CCDC91: variants seen among roughly 807,000 people sequenced by gnomAD.
The protein encoded by CCDC91 is coiled-coil domain-containing protein 91.
In CCDC91, 48 loss-of-function variants were observed where a neutral mutation model predicts 63.2. The observed-to-expected ratio is 0.76, with a 90% CI of 0.60 to 0.97. The LOEUF is 0.97. Among genes scored for constraint, CCDC91 ranks in the 50% least tolerant of loss-of-function variants. The pLI, the probability that CCDC91 is intolerant of heterozygous loss-of-function variation, is 0.00. For synonymous variants in CCDC91, 167 were observed against 165.8 expected, an observed-to-expected ratio of 1.01 and a Z score of -0.06; for missense variants, 500 against 494.6, an observed-to-expected ratio of 1.01 and a Z score of -0.10.
At chr12:28,369,808 A>G (rs539680237) in intron 7 of CCDC91, among the ~76,000 whole-genome samples, 1 of 152,254 alleles carries the variant, frequency 6.6e-6, no homozygotes, top group Admixed American at 6.5e-5. Flanking sequence ...CATTGAAGCT[A>G]CCAAGGCTTG....
chr12:28,202,801 C>G (rs11610011), intron 1 of CCDC91, among the ~76,000 whole-genome samples: 1 of 152,056 alleles, frequency 6.6e-6, no homozygotes, highest in African/African-American at 2.4e-5. Context: ...ATCAAAATCC[C>G]CTATTGACAT....
At chr12:28,344,659 A>G (rs528394084) in intron 6 of CCDC91, among the ~76,000 whole-genome samples, 7 of 152,188 alleles carry the variant, frequency 4.6e-5, no homozygotes, top group African/African-American at 1.4e-4. Flanking sequence ...GCAAGGCACT[A>G]TGCTATCTAC....
At chr12:28,213,033 G>A (rs1332387385) in intron 1 of CCDC91, among the ~76,000 whole-genome samples, 1 of 152,184 alleles carries the variant, frequency 6.6e-6, no homozygotes, top group Non-Finnish European at 1.5e-5. Context: ...GAATGGGGAT[G>A]CATGGAAAGA....
At chr12:28,470,153 A>G (rs1434876794) in intron 11 of CCDC91, among the ~76,000 whole-genome samples, 2 of 152,296 alleles carry the variant, frequency 1.3e-5, no homozygotes, top group East Asian at 1.9e-4. Flanking sequence ...GACAACCCAC[A>G]GAATGAGAGA....
In CCDC91 at chr12:28,313,628, A is replaced by G. The variant is rs529189081; in HGVS notation, c.576+5879A>G. ...AATTCTAACAGTGTTATTTTATGTG[A>G]TATGGTCTAATTACCAGGATAGGTG... On this transcript the variant is annotated intron_variant, in intron 6 of 12. Transcript: ENST00000536442. Among the ~76,000 whole-genome samples, 343 of 152,168 alleles carry G rather than the reference A, an allele frequency of 2.3e-3. 3 individuals are homozygous for G. The South Asian group carries it at 0.024, about 11-fold the overall frequency.
chr12:28,390,122 G>C (rs1945841959), intron 7 of CCDC91, among the ~76,000 whole-genome samples: 1 of 152,082 alleles, frequency 6.6e-6, no homozygotes, highest in African/African-American at 2.4e-5. Flanking sequence ...AGCATCATCA[G>C]AGAATCTTAC....
chr12:28,549,365 C>A lies in CCDC91; in HGVS notation c.*192C>A, dbSNP rs1943195323. On this transcript the variant is annotated 3_prime_UTR_variant, in exon 13 of 13. Transcript: ENST00000536442. The stretch of plus-strand genomic sequence containing the variant: ...TTATTTTCTTTTGGTTTCTTCTTTA[C>A]ATTTACTGTTATTTTATTATTATTA... 4.7e-6 allele frequency: 2 copies of A among 428,732 alleles called. No individual in the cohort carries two copies. Among genetic ancestry groups the A allele is most frequent in the East Asian group, 7.8e-5 (2 of 25,688 alleles). 26.6% of individuals were successfully genotyped at this position (428,732 alleles called of 1,614,324 possible). A position where few individuals can be genotyped will look rare whatever the true frequency, so the allele number is the denominator to read the frequency against.
At chr12:28,289,755 G>A (rs1441637667) in intron 3 of CCDC91, among the ~76,000 whole-genome samples, 7 of 140,262 alleles carry the variant, frequency 5.0e-5, no homozygotes, top group African/African-American at 1.8e-4. Flanking sequence ...GCAGTGGCGC[G>A]ATCTCGGCTC....
rs534640429 is a variant in CCDC91, at chr12:28,535,977, C to T, written c.1216-13086C>T. Among the ~76,000 whole-genome samples, 83 of 150,478 alleles carry T rather than the reference C, an allele frequency of 5.5e-4. 1 individual carries two copies. The highest frequency in any genetic ancestry group is 1.9e-3 in the African/African-American group (78 of 40,972). The stretch of plus-strand genomic sequence containing the variant: ...CCGGGAGGCGTAGCTTGCAGTCAGC[C>T]GAGATAGCACCACTGCATTCCAGCG... On this transcript the variant is annotated intron_variant, in intron 12 of 12. Transcript: ENST00000536442.
chr12:28,464,060 A>G (rs1001462304), intron 11 of CCDC91, among the ~76,000 whole-genome samples: 10 of 152,136 alleles, frequency 6.6e-5, no homozygotes, highest in African/African-American at 2.4e-4. Flanking sequence ...ATTGGGAGGC[A>G]TTGATTCAGT....
At chr12:28,194,698 T>C (rs895785312) in intron 1 of CCDC91, among the ~76,000 whole-genome samples, 3 of 151,050 alleles carry the variant, frequency 2.0e-5, no homozygotes, top group African/African-American at 2.4e-5. Context: ...TGCAGACCTT[T>C]GCGGTGAGTG....
At chr12:28,497,591 T>C (rs1229250246) in intron 12 of CCDC91, among the ~76,000 whole-genome samples, 1 of 151,546 alleles carries the variant, frequency 6.6e-6, no homozygotes, top group Non-Finnish European at 1.5e-5. Flanking sequence ...GAACATCTGA[T>C]TTGAAGTAAA....
chr12:28,374,692 A>C (rs553303974), intron 7 of CCDC91, among the ~76,000 whole-genome samples: 1 of 152,228 alleles, frequency 6.6e-6, no homozygotes, highest in South Asian at 2.1e-4. Flanking sequence ...TAGGACTTAA[A>C]CTTTTCACAA....
At chr12:28,312,051 T>C (rs1417770008) in intron 6 of CCDC91, among the ~76,000 whole-genome samples, 1 of 152,052 alleles carries the variant, frequency 6.6e-6, no homozygotes, top group Non-Finnish European at 1.5e-5. Context: ...TTGATAGAAA[T>C]AGGGAGAAGT....
Position 28,267,500 on chromosome 12 carries a change from T to A in CCDC91, c.109+8058T>A, listed in dbSNP as rs543789063. Among the ~76,000 whole-genome samples, 5 of 150,408 alleles carry A rather than the reference T, an allele frequency of 3.3e-5. No individual in the cohort carries two copies. In the South Asian group the frequency reaches 1.0e-3, roughly 31 times the overall value. ...AAAGCTATTTTAATTAGGATGATAATGTATATTGTTTCTGTGACTTGAAAG... is the reference window on the plus strand; with the variant it reads ...AAAGCTATTTTAATTAGGATGATAAAGTATATTGTTTCTGTGACTTGAAAG... On this transcript the variant is annotated intron_variant, in intron 3 of 12. Transcript: ENST00000536442.
intron 11 of CCDC91, among the ~76,000 whole-genome samples, chr12:28,465,718 A>G (rs756404112): frequency 2.0e-5 from 3 of 152,184 alleles, no homozygotes; most frequent in Non-Finnish European, 4.4e-5. Flanking sequence ...AAAAGCCCAG[A>G]CTGCAAAGAA....
chr12:28,360,854 G>T (rs1264440564), intron 6 of CCDC91, among the ~76,000 whole-genome samples: 1 of 151,828 alleles, frequency 6.6e-6, no homozygotes, highest in Non-Finnish European at 1.5e-5. Context: ...CACCTATTAA[G>T]CTTTCTGTGT....
At chr12:28,468,019 C>A (rs887689409) in intron 11 of CCDC91, among the ~76,000 whole-genome samples, 1 of 151,702 alleles carries the variant, frequency 6.6e-6, no homozygotes, top group Non-Finnish European at 1.5e-5. Flanking sequence ...AACAACAATG[C>A]ATCTTAACTA....
chr12:28,426,805 A>G (rs1948342346), intron 8 of CCDC91, among the ~76,000 whole-genome samples: 1 of 152,158 alleles, frequency 6.6e-6, no homozygotes, highest in Non-Finnish European at 1.5e-5. Flanking sequence ...ATCCGAAACT[A>G]GTTCTGATGC....
Sources: gnomAD v4.1 joint callset for allele counts (sites outside exome capture counted in the v4.1 genomes callset) on GRCh38, gnomAD v4.1.1 for gene constraint, MANE v1.5 for transcripts, NCBI Gene and HGNC (gene_info 2026-07-23, HGNC 2026-07-21) for gene names.